ATG7: variants seen among roughly 807,000 people sequenced by gnomAD.
The protein encoded by ATG7 is autophagy related 7.
A neutral mutation model predicts 82.4 loss-of-function variants in ATG7; 70 were observed. The ratio of observed to expected loss-of-function variants is 0.85; its 90% CI spans 0.70 to 1.04. The LOEUF is 1.04. ATG7 is among the 50% of genes least tolerant of loss of function. ATG7 has a pLI of 0.00. For missense variants in ATG7, 792 were observed against 864.3 expected (o/e 0.92, Z 1.05); for synonymous variants, 287 against 313.0 (o/e 0.92, Z 0.88).
At chr3:11,515,582 A>G (rs1418818862) in intron 20 of ATG7, among the ~76,000 whole-genome samples, 1 of 152,160 alleles carries the variant, frequency 6.6e-6, no homozygotes, top group Non-Finnish European at 1.5e-5. Context: ...CCTCAAGTGT[A>G]TATTGACAAG....
At chr3:11,393,599 T>C (rs906308109) in intron 19 of ATG7, among the ~76,000 whole-genome samples, 5 of 152,182 alleles carry the variant, frequency 3.3e-5, no homozygotes, top group African/African-American at 1.2e-4. Flanking sequence ...TGGCCTGCCA[T>C]GGTGTTTTAG....
rs960597468 is a variant in ATG7 at position 11,431,486 on chromosome 3, T to A, written c.2079+4560T>A. 3.7e-4 allele frequency among the ~76,000 whole-genome samples: 57 copies of A among 152,280 alleles called. 1 individual carries two copies. The highest frequency in any genetic ancestry group is 1.3e-3 in the African/African-American group (56 of 41,572). ...CAGAGTTGTGCAACCATTACCACTC[T>A]CTGTTTAGAAAATTTTCATCCCCCA... On this transcript the variant is annotated intron_variant, in intron 20 of 20. Transcript: ENST00000693202.
intron 16 of ATG7, 96 bp downstream of exon 16, chr3:11,360,880 A>T: frequency 7.7e-7 from 1 of 1,299,426 alleles, no homozygotes; most frequent in Non-Finnish European, 1.1e-6. Context: ...CTATTTAAAT[A>T]TTATCTTTTA....
chr3:11,324,247 T>C (rs1444186813), intron 9 of ATG7, among the ~76,000 whole-genome samples: 1 of 152,184 alleles, frequency 6.6e-6, no homozygotes, highest in East Asian at 1.9e-4. Flanking sequence ...CAGTGATTAT[T>C]TATGAAAAAT....
At chr3:11,337,898 C>T (rs781694300) in intron 11 of ATG7, among the ~76,000 whole-genome samples, 3 of 152,088 alleles carry the variant, frequency 2.0e-5, no homozygotes, top group East Asian at 1.9e-4. Context: ...TTATGGATTA[C>T]AATACTAGGC....
chr3:11,450,377 C>T (rs1305381263), intron 20 of ATG7, among the ~76,000 whole-genome samples: 1 of 152,166 alleles, frequency 6.6e-6, no homozygotes, highest in Non-Finnish European at 1.5e-5. Context: ...TTCATGTTCT[C>T]CAAACCTCAG....
intron 19 of ATG7, 65 bp from the exon 20 acceptor site, chr3:11,426,739 G>A (rs1430453453): frequency 7.9e-6 from 11 of 1,393,818 alleles, no homozygotes; most frequent in Middle Eastern, 1.9e-4. Flanking sequence ...TGTTAGAAGT[G>A]AAAGTCTTTT....
At chr3:11,293,508 A>T (rs1256021191) in intron 3 of ATG7, among the ~76,000 whole-genome samples, 1 of 126,984 alleles carries the variant, frequency 7.9e-6, no homozygotes, top group Non-Finnish European at 1.7e-5. Context: ...TCCAGCCTGG[A>T]TGACAGAATG....
intron 19 of ATG7, among the ~76,000 whole-genome samples, chr3:11,396,794 AAAAG>A (rs1301340533): frequency 1.2e-3 from 47 of 40,270 alleles, no homozygotes; most frequent in South Asian, 9.7e-3. Context: ...AAAAAAAAAA[AAAAG>A]AAAAGAAAAG....
intron 20 of ATG7, among the ~76,000 whole-genome samples, chr3:11,434,537 C>T (rs2152956752): frequency 1.3e-5 from 2 of 152,306 alleles, no homozygotes; most frequent in East Asian, 3.9e-4. Context: ...CAGAAACAGG[C>T]AGAAAGCCAT....
intron 20 of ATG7, among the ~76,000 whole-genome samples, chr3:11,432,622 T>A (rs944096193): frequency 1.3e-5 from 2 of 151,876 alleles, no homozygotes; most frequent in Non-Finnish European, 2.9e-5. Flanking sequence ...TAACCAAAAA[T>A]CACCTGTACC....
intron 20 of ATG7, among the ~76,000 whole-genome samples, chr3:11,552,294 T>C (rs1444820106): frequency 6.6e-6 from 1 of 152,232 alleles, no homozygotes; most frequent in East Asian, 1.9e-4. Context: ...TTAAAAAATA[T>C]GGTACCAATT....
chr3:11,561,917 A>T (rs1186556320), downstream of ATG7, among the ~76,000 whole-genome samples: 3 of 19,912 alleles, frequency 1.5e-4, no homozygotes, highest in Admixed American at 4.3e-4. Context: ...TTTTTTTTTT[A>T]AAGACAAAGT....
chr3:11,387,233 C>G (rs1008489876), intron 19 of ATG7, among the ~76,000 whole-genome samples: 1 of 152,210 alleles, frequency 6.6e-6, no homozygotes, highest in African/African-American at 2.4e-5. Context: ...GCTGCCCTGG[C>G]TTTGAAAGGC....
chr3:11,439,065 C>CTTTA (rs1178574171), intron 20 of ATG7, among the ~76,000 whole-genome samples: 1 of 80,556 alleles, frequency 1.2e-5, no homozygotes, highest in African/African-American at 4.6e-5. Flanking sequence ...TCTTTTCTTT[C>CTTTA]TTTCTTTTTT....
intron 20 of ATG7, among the ~76,000 whole-genome samples, chr3:11,554,157 G>A (rs1242931108): frequency 6.6e-6 from 1 of 152,208 alleles, no homozygotes; most frequent in Non-Finnish European, 1.5e-5. Context: ...GCCACGTTGG[G>A]GCCTCCTGCT....
At chr3:11,441,190 C>T (rs1391181413) in intron 20 of ATG7, among the ~76,000 whole-genome samples, 1 of 152,106 alleles carries the variant, frequency 6.6e-6, no homozygotes, top group African/African-American at 2.4e-5. Flanking sequence ...AGAGGCCATA[C>T]TTAATTTTAC....
intron 20 of ATG7, among the ~76,000 whole-genome samples, chr3:11,461,870 C>CA (rs569976829): frequency 3.4e-4 from 50 of 148,062 alleles, no homozygotes; most frequent in Non-Finnish European, 5.1e-4. Flanking sequence ...ACTAAAAATA[C>CA]AAAAAAAAAA....
intron 20 of ATG7, among the ~76,000 whole-genome samples, chr3:11,451,164 A>G (rs1212995498): frequency 1.3e-5 from 2 of 152,212 alleles, no homozygotes; most frequent in Non-Finnish European, 2.9e-5. Context: ...TCTTTTGAAA[A>G]GGACAGGCTG....
Sources: allele counts gnomAD v4.1 joint callset (sites outside exome capture counted in the v4.1 genomes callset), GRCh38; gene constraint gnomAD v4.1.1; transcripts MANE v1.5; gene names NCBI Gene and HGNC (gene_info 2026-07-23, HGNC 2026-07-21).